Variants in PLEKHG1 observed in about 807,000 individuals in gnomAD.
The protein encoded by PLEKHG1 is pleckstrin homology domain-containing family G member 1.
Under a neutral mutation model 100.8 loss-of-function variants are expected in PLEKHG1, and 44 were observed. The observed-to-expected ratio is 0.44, with a 90% CI of 0.34 to 0.56. The LOEUF (loss-of-function observed/expected upper bound fraction) is 0.56. Among genes scored for constraint, PLEKHG1 ranks in the 20% least tolerant of loss-of-function variants. The pLI, the probability that PLEKHG1 is intolerant of heterozygous loss-of-function variation, is 0.01. For missense variants in PLEKHG1, 1,545 were observed against 1,720.9 expected (o/e 0.90, Z 1.81); for synonymous variants, 640 against 662.5 (o/e 0.97, Z 0.52).
chr6:150,817,233 G>A (rs1161854567), intron 10 of PLEKHG1, among the ~76,000 whole-genome samples: 2 of 152,192 alleles, frequency 1.3e-5, no homozygotes, highest in Non-Finnish European at 2.9e-5. Flanking sequence ...TGAGCTCGGA[G>A]AGCACCCACC....
intron 3 of PLEKHG1, among the ~76,000 whole-genome samples, chr6:150,655,945 G>C (rs948198110): frequency 6.6e-6 from 1 of 151,926 alleles, no homozygotes; most frequent in African/African-American, 2.4e-5. Flanking sequence ...CAGGGCCTGT[G>C]GGGGGTTGGG....
chr6:150,790,154 T>C (rs1785886605), intron 4 of PLEKHG1, among the ~76,000 whole-genome samples: 1 of 152,156 alleles, frequency 6.6e-6, no homozygotes, highest in African/African-American at 2.4e-5. Flanking sequence ...CACGAGTAGC[T>C]GGGATTACAG....
At chr6:150,652,338 C>T (rs1019811664) in intron 3 of PLEKHG1, among the ~76,000 whole-genome samples, 2 of 152,172 alleles carry the variant, frequency 1.3e-5, no homozygotes, top group African/African-American at 4.8e-5. Flanking sequence ...CACGCTTATG[C>T]TTATACGTCA....
intron 2 of PLEKHG1, among the ~76,000 whole-genome samples, chr6:150,762,503 CCT>C (rs1169411654): frequency 6.6e-6 from 1 of 151,810 alleles, no homozygotes; most frequent in Non-Finnish European, 1.5e-5. Flanking sequence ...CCGGCCCAAC[CCT>C]CTCTTTTTCT....
At chr6:150,722,349 C>CTTTTTTTTTTTTTTTTTTTT (rs139069069) in intron 1 of PLEKHG1, among the ~76,000 whole-genome samples, 7 of 90,674 alleles carry the variant, frequency 7.7e-5, no homozygotes, top group Admixed American at 1.4e-4. Flanking sequence ...TTTTTCTTTT[C>CTTTTTTTTTTTTTTTTTTTT]TTTTTTTTTT....
intron 1 of PLEKHG1, among the ~76,000 whole-genome samples, chr6:150,732,633 T>G (rs1782329059): frequency 6.6e-6 from 1 of 152,232 alleles, no homozygotes; most frequent in South Asian, 2.1e-4. Flanking sequence ...GTTGTTTTGT[T>G]TTGAGATAAA....
Position 150,641,876 on chromosome 6 carries a change from C to CAAA in PLEKHG1, c.-158+3772_-158+3774dup, listed in dbSNP as rs71554473. Among the ~76,000 whole-genome samples the CAAA allele has an allele frequency of 4.4e-3, 337 of 76,754 alleles. 9 individuals are homozygous for CAAA. In the Admixed American group the frequency reaches 0.044, roughly 10 times the overall value. 50.4% of individuals were successfully genotyped at this position (76,754 alleles called of 152,430 possible). A position where few individuals can be genotyped will look rare whatever the true frequency, so the allele number is the denominator to read the frequency against. The stretch of plus-strand genomic sequence containing the variant: ...GTTTTACTTGACTGATGTGAAAAGG[C>CAAA]AAAAAAAAAAAAAAAAAAAAAAAGC... On this transcript the variant is annotated intron_variant, in intron 2 of 3. Transcript: ENST00000367326.
At chr6:150,839,681 A>G (rs1272434378) in intron 15 of PLEKHG1, 152 bp from the exon 17 acceptor site, 1 of 592,174 alleles carries the variant, frequency 1.7e-6, no homozygotes, top group Non-Finnish European at 3.0e-6. Context: ...TGTTGCTCAG[A>G]GTTCAAAGAT....
chr6:150,613,486 A>G (rs1402971037), intron 1 of PLEKHG1, among the ~76,000 whole-genome samples: 1 of 152,184 alleles, frequency 6.6e-6, no homozygotes, highest in Admixed American at 6.5e-5. Context: ...CACTTTGGCA[A>G]TTGCCCTCTC....
chr6:150,775,329 A>C (rs1784906906), intron 3 of PLEKHG1, among the ~76,000 whole-genome samples: 3 of 152,256 alleles, frequency 2.0e-5, no homozygotes, highest in Admixed American at 1.3e-4. Flanking sequence ...ATGAAGAGTG[A>C]GGAAATAAAG....
chr6:150,829,131 A>C, intron 14 of PLEKHG1, among the ~76,000 whole-genome samples: 1 of 152,126 alleles, frequency 6.6e-6, no homozygotes, highest in East Asian at 1.9e-4. Context: ...GACATTTCCA[A>C]TAGGTTACTA....
intron 14 of PLEKHG1, among the ~76,000 whole-genome samples, chr6:150,829,581 G>C (rs1045939205): frequency 1.3e-5 from 2 of 152,044 alleles, no homozygotes; most frequent in Non-Finnish European, 2.9e-5. Flanking sequence ...TCATGCCAAG[G>C]GACCCAGGCT....
At chr6:150,627,397 G>A (rs1777551599) in intron 1 of PLEKHG1, among the ~76,000 whole-genome samples, 1 of 151,994 alleles carries the variant, frequency 6.6e-6, no homozygotes, top group Non-Finnish European at 1.5e-5. Flanking sequence ...TCAAAAATAA[G>A]GTTATCAGGG....
chr6:150,659,340 A>G (rs1160738924), intron 3 of PLEKHG1, among the ~76,000 whole-genome samples: 1 of 152,154 alleles, frequency 6.6e-6, no homozygotes, highest in African/African-American at 2.4e-5. Flanking sequence ...TTTTGGGTAC[A>G]ACCAGAACTC....
exon 8 of PLEKHG1, chr6:150,809,199 A>G (rs1787336602): frequency 1.9e-6 from 3 of 1,613,392 alleles, no homozygotes; most frequent in Admixed American, 1.7e-5. Flanking sequence ...CAGCGAGCCA[A>G]GAATGAGCGG....
chr6:150,711,256 G>A lies in PLEKHG1; in HGVS notation c.-98-22328G>A, dbSNP rs547611935. 3.3e-5 allele frequency among the ~76,000 whole-genome samples: 5 copies of A among 152,200 alleles called. No homozygotes were observed. In the East Asian group the frequency reaches 7.7e-4, roughly 24 times the overall value. On this transcript the variant is annotated intron_variant, in intron 3 of 3. Transcript: ENST00000367326. ...GTGTTAAGTCCGCTCTACCCTATGCGCCCCACAGCCACAAGGGGCAGCTCT... is the reference window on the plus strand; with the variant it reads ...GTGTTAAGTCCGCTCTACCCTATGCACCCCACAGCCACAAGGGGCAGCTCT...
At chr6:150,758,257 A>G (rs1783957712) in intron 2 of PLEKHG1, among the ~76,000 whole-genome samples, 1 of 151,938 alleles carries the variant, frequency 6.6e-6, no homozygotes, top group African/African-American at 2.4e-5. Context: ...AATCACTACA[A>G]TGGTTAAACT....
intron 2 of PLEKHG1, among the ~76,000 whole-genome samples, chr6:150,738,939 GA>G (rs1430323403): frequency 6.6e-6 from 1 of 152,182 alleles, no homozygotes; most frequent in Non-Finnish European, 1.5e-5. Context: ...TGGAGAGATA[GA>G]AATCCATAGT....
At chr6:150,695,424 TC>T (rs1780504843) in intron 3 of PLEKHG1, among the ~76,000 whole-genome samples, 2 of 152,260 alleles carry the variant, frequency 1.3e-5, no homozygotes, top group Admixed American at 1.3e-4. Context: ...ATATCTCTGT[TC>T]TACAAACTAG....
Sources: gnomAD v4.1 joint callset for allele counts (sites outside exome capture counted in the v4.1 genomes callset) on GRCh38, gnomAD v4.1.1 for gene constraint, MANE v1.5 for transcripts, NCBI Gene and HGNC (gene_info 2026-07-23, HGNC 2026-07-21) for gene names.